Variants in USP54 observed in about 807,000 individuals in gnomAD.
USP54 encodes the protein ubiquitin specific peptidase 54.
In USP54, 87 loss-of-function variants were observed where a neutral mutation model predicts 170.5. The observed-to-expected ratio is 0.51, with a 90% CI of 0.43 to 0.61. The LOEUF (loss-of-function observed/expected upper bound fraction) is 0.61. Ranked by LOEUF, USP54 falls within the 20% of genes least tolerant of loss-of-function variation. The pLI, the probability that USP54 is intolerant of heterozygous loss-of-function variation, is 0.00. For missense variants in USP54, 1,786 were observed against 2,047.8 expected (o/e 0.87, Z 2.47); for synonymous variants, 655 against 742.8 (o/e 0.88, Z 1.92).
intron 12 of USP54, among the ~76,000 whole-genome samples, chr10:73,534,374 T>A (rs1428113765): frequency 1.3e-5 from 2 of 149,716 alleles, no homozygotes; most frequent in Non-Finnish European, 3.0e-5. Context: ...GCCCAACTAA[T>A]TTTTTTTTTG....
chr10:73,624,520 T>C (rs887905779), intron 1 of USP54: 3 of 152,006 alleles, frequency 2.0e-5, no homozygotes, highest in Non-Finnish European at 4.4e-5. Context: ...AAAGCCATTA[T>C]TCTAATTAAT....
intron 20 of USP54, among the ~76,000 whole-genome samples, chr10:73,510,648 C>T (rs2060055163): frequency 6.6e-6 from 1 of 151,944 alleles, no homozygotes; most frequent in Non-Finnish European, 1.5e-5. Context: ...TGGGTTTCAC[C>T]ATGTTGGCCA....
intron 10 of USP54, among the ~76,000 whole-genome samples, chr10:73,537,149 G>T (rs1473542712): frequency 6.6e-6 from 1 of 152,116 alleles, no homozygotes; most frequent in Non-Finnish European, 1.5e-5. Context: ...AACTAGCATA[G>T]TGATATGTTC....
At chr10:73,533,248 G>C (rs373111443) in intron 12 of USP54, among the ~76,000 whole-genome samples, 368 of 152,164 alleles carry the variant, frequency 2.4e-3, no homozygotes, top group African/African-American at 8.4e-3. Flanking sequence ...GGAGATTGCA[G>C]TGAGCCAAGA....
At position 73,516,348 on chromosome 10, in the gene USP54, C is replaced by T. The variant is rs758776968; in HGVS notation, c.4051+27G>A. On this transcript the variant is annotated intron_variant, in intron 20 of 23. Transcript: ENST00000687698. The stretch of plus-strand genomic sequence containing the variant: ...CAGCTTTTATATGATCCTCCCCCCT[C>T]CCCCCAACCCCTGGTTGCATTCTTA... 3.8e-6 allele frequency: 6 copies of T among 1,576,038 alleles called. No homozygotes were observed. In the African/African-American group the frequency reaches 4.1e-5, roughly 11 times the overall value.
rs533805663 is a variant in USP54 at position 73,547,657 on chromosome 10, G to T, written c.241-1985C>A. Among the ~76,000 whole-genome samples, 3 of 152,280 alleles carry T rather than the reference G, an allele frequency of 2.0e-5. No homozygotes were observed. The South Asian group carries it at 6.2e-4, about 32-fold the overall frequency. ...AAGGATTTCCTATTTAATAAATGGT[G>T]CTGGGAAAACTGGCTAGCCATATGT... On this transcript the variant is annotated intron_variant, in intron 4 of 23. Transcript: ENST00000687698.
intron 4 of USP54, among the ~76,000 whole-genome samples, chr10:73,559,449 A>G (rs987105222): frequency 2.6e-5 from 4 of 151,804 alleles, no homozygotes; most frequent in Non-Finnish European, 5.9e-5. Flanking sequence ...AATCCCAGCT[A>G]CTAGGGAGGC....
At chr10:73,624,159 CATATATATAT>C (rs58238181) in intron 1 of USP54, among the ~76,000 whole-genome samples, 1,186 of 69,868 alleles carry the variant, frequency 0.017, 32 homozygotes, top group African/African-American at 0.033. Context: ...TTTTAAAAGC[CATATATATAT>C]ATATATATAT....
At chr10:73,609,754 G>A (rs997486505) in intron 1 of USP54, among the ~76,000 whole-genome samples, 2 of 151,704 alleles carry the variant, frequency 1.3e-5, no homozygotes, top group Non-Finnish European at 2.9e-5. Flanking sequence ...TGAGGAAGGA[G>A]AAGCGCTTGA....
intron 1 of USP54, among the ~76,000 whole-genome samples, chr10:73,603,418 T>A (rs2079357150): frequency 6.6e-6 from 1 of 152,122 alleles, no homozygotes; most frequent in African/African-American, 2.4e-5. Flanking sequence ...ATATCCACAA[T>A]ATATAAAGAC....
intron 1 of USP54, among the ~76,000 whole-genome samples, chr10:73,606,120 G>A (rs2079599935): frequency 1.4e-5 from 2 of 142,904 alleles, no homozygotes; most frequent in South Asian, 2.3e-4. Flanking sequence ...AGAGGTTGCA[G>A]TGAGCTGAGA....
intron 1 of USP54, among the ~76,000 whole-genome samples, chr10:73,580,822 T>C (rs1481104080): frequency 6.6e-6 from 1 of 152,054 alleles, no homozygotes; most frequent in Non-Finnish European, 1.5e-5. Context: ...CAGGTGATCC[T>C]CCCGCCTCAG....
chr10:73,576,528 A>G (rs192266281), intron 1 of USP54, among the ~76,000 whole-genome samples, 167 bp from the exon 2 acceptor site: 10 of 151,812 alleles, frequency 6.6e-5, no homozygotes, highest in Admixed American at 6.6e-4. Flanking sequence ...AAAGAGAGAG[A>G]CACCCAAACT....
At chr10:73,606,111 G>C (rs767995566) in intron 1 of USP54, among the ~76,000 whole-genome samples, 1 of 144,474 alleles carries the variant, frequency 6.9e-6, no homozygotes, top group Non-Finnish European at 1.5e-5. Context: ...CCAGGAGGCA[G>C]AGGTTGCAGT....
chr10:73,503,880 C>G (rs1018413397), intron 22 of USP54, among the ~76,000 whole-genome samples: 1 of 152,126 alleles, frequency 6.6e-6, no homozygotes, highest in African/African-American at 2.4e-5. Context: ...CTACAAGCAC[C>G]CCCCACCATG....
chr10:73,500,965 C>G, intron 22 of USP54, 127 bp from the exon 23 acceptor site: 1 of 1,033,232 alleles, frequency 9.7e-7, no homozygotes, highest in Non-Finnish European at 1.4e-6. Context: ...TGCCTACATG[C>G]CTTGTTCTGG....
intron 1 of USP54, among the ~76,000 whole-genome samples, chr10:73,610,420 G>T (rs758921709): frequency 6.6e-6 from 1 of 152,060 alleles, no homozygotes; most frequent in African/African-American, 2.4e-5. Flanking sequence ...TCAGGAGTTT[G>T]AGACCAGCCT....
chr10:73,616,377 T>C (rs1372017029), intron 1 of USP54, among the ~76,000 whole-genome samples: 1 of 144,824 alleles, frequency 6.9e-6, no homozygotes, highest in African/African-American at 2.7e-5. Flanking sequence ...GTTCCATTCA[T>C]GTATCCTCAG....
At chr10:73,549,554 C>G (rs537893727) in intron 4 of USP54, among the ~76,000 whole-genome samples, 21 of 152,284 alleles carry the variant, frequency 1.4e-4, no homozygotes, top group Admixed American at 2.6e-4. Flanking sequence ...CACCTGTGAC[C>G]CTTCCCTTGC....
Sources: allele counts gnomAD v4.1 joint callset (sites outside exome capture counted in the v4.1 genomes callset), GRCh38; gene constraint gnomAD v4.1.1; transcripts MANE v1.5; gene names NCBI Gene and HGNC (gene_info 2026-07-23, HGNC 2026-07-21).